TRAK2: variants seen among roughly 807,000 people sequenced by gnomAD.
TRAK2 encodes trafficking kinesin protein 2.
A neutral mutation model predicts 104.6 loss-of-function variants in TRAK2; 81 were observed. The observed-to-expected ratio is 0.77, with a 90% CI of 0.65 to 0.93. TRAK2 has a LOEUF of 0.93. TRAK2 is among the 40% of genes least tolerant of loss of function. The probability of loss-of-function intolerance (pLI) is 0.00; values close to 1 mark genes in which losing one functional copy is unlikely to be tolerated. For missense variants in TRAK2, 1,002 were observed against 1,089.0 expected, an observed-to-expected ratio of 0.92 and a Z score of 1.12; for synonymous variants, 406 against 394.4, an observed-to-expected ratio of 1.03 and a Z score of -0.35.
intron 12 of TRAK2, 182 bp from the exon 13 acceptor site, chr2:201,388,183 T>G: frequency 1.5e-6 from 1 of 662,986 alleles, no homozygotes; most frequent in Non-Finnish European, 2.7e-6. Flanking sequence ...TATATCATTT[T>G]TACAGATCAT....
In TRAK2 at chr2:201,386,275, T is replaced by G; in HGVS notation, c.1906A>C (p.Lys636Gln). 6.2e-7 allele frequency: 1 copy of G among 1,614,142 alleles called. No individual in the cohort carries two copies. ...GGCAGGAAGATCCCTGTTACTGGCTTGGATGTTGAAAGTTTCTCTTCCACT... is the reference window on the plus strand; with the variant it reads ...GGCAGGAAGATCCCTGTTACTGGCTGGGATGTTGAAAGTTTCTCTTCCACT... ...LEVEEKLSTS[K>Q]PVTGIFLPPI... Residue 636 changes from lysine to glutamine, a missense_variant, in exon 14 of 16, where the codon AAG (lysine) becomes CAG (glutamine). Transcript: ENST00000332624.
intron 2 of TRAK2, among the ~76,000 whole-genome samples, chr2:201,417,253 AAAAAAAG>A (rs1422723525): frequency 6.6e-6 from 1 of 150,422 alleles, no homozygotes; most frequent in Non-Finnish European, 1.5e-5. Context: ...AAAAAAAAAA[AAAAAAAG>A]AAAAGAAAAA....
intron 14 of TRAK2, among the ~76,000 whole-genome samples, chr2:201,385,322 G>A (rs1228339340): frequency 6.6e-6 from 1 of 151,632 alleles, no homozygotes; most frequent in Non-Finnish European, 1.5e-5. Flanking sequence ...TGTAGGATAC[G>A]ACCAATGCAT....
At chr2:201,385,070 A>G (rs1218082044) in intron 14 of TRAK2, among the ~76,000 whole-genome samples, 1 of 152,240 alleles carries the variant, frequency 6.6e-6, no homozygotes, top group African/African-American at 2.4e-5. Context: ...AACAGCTAAC[A>G]AAATGTGAGC....
chr2:201,442,334 T>A (rs1951932282), intron 1 of TRAK2, among the ~76,000 whole-genome samples: 3 of 150,446 alleles, frequency 2.0e-5, no homozygotes, highest in Admixed American at 1.3e-4. Flanking sequence ...GAGCCTGCAG[T>A]GAGCCGAGTT....
rs766586820 is a variant in TRAK2, at chr2:201,389,399, G to A, written c.1298C>T (p.Ser433Leu). ...AGGTTTTGCTGTCATGATGACACTT[G>A]AACGGTTGGAGCCTGGAATGGGTAA... The part of the protein sequence containing the change: ...ALLPIPGSNR[S>L]SVIMTAKPFE... The change falls in exon 12 of 16, where the codon TCA (serine) becomes TTA (leucine). Residue 433 changes from serine to leucine, a missense_variant. Transcript: ENST00000332624. 1 of 1,614,164 alleles carries A rather than the reference G, an allele frequency of 6.2e-7. No homozygotes were observed. Among genetic ancestry groups the A allele is most frequent in the South Asian group, 1.1e-5 (1 of 91,084 alleles).
chr2:201,389,513 A>C lies in TRAK2; in HGVS notation c.1194-10T>G, dbSNP rs1951424987. Reference sequence around the variant, plus strand: ...CCGCTTCTGTTGGGCTCTGTCAAAAAAGGAAGTGTTCGTTATTATCACTGC... The same window carrying C: ...CCGCTTCTGTTGGGCTCTGTCAAAACAGGAAGTGTTCGTTATTATCACTGC... On this transcript the variant is annotated splice_polypyrimidine_tract_variant and intron_variant, in intron 11 of 15. Coordinates refer to ENST00000332624, the MANE Select transcript of TRAK2 (RefSeq NM_015049.3). 1.9e-6 allele frequency: 3 copies of C among 1,613,252 alleles called. No individual in the cohort carries two copies. The highest frequency in any genetic ancestry group is 2.5e-6 in the Non-Finnish European group (3 of 1,179,798).
intron 1 of TRAK2, among the ~76,000 whole-genome samples, chr2:201,428,787 T>C (rs1438349656): frequency 1.3e-5 from 2 of 152,270 alleles, no homozygotes; most frequent in African/African-American, 4.8e-5. Flanking sequence ...ATGTTGATTT[T>C]TCCTATCCAT....
intron 9 of TRAK2, among the ~76,000 whole-genome samples, chr2:201,394,484 A>G (rs1191653946): frequency 6.6e-6 from 1 of 151,674 alleles, no homozygotes; most frequent in East Asian, 1.9e-4. Flanking sequence ...GGGATTACAG[A>G]TGCCCACCAC....
chr2:201,382,468 A>G (rs4675000), intron 15 of TRAK2, among the ~76,000 whole-genome samples: 4,929 of 151,616 alleles, frequency 0.033, 430 homozygotes, highest in East Asian at 0.25. Context: ...AACCAGTCCA[A>G]CTAAAAGCCT....
At chr2:201,450,413 T>TAA (rs1157207335) in intron 1 of TRAK2, among the ~76,000 whole-genome samples, 1 of 144,658 alleles carries the variant, frequency 6.9e-6, no homozygotes, top group Non-Finnish European at 1.5e-5. Context: ...GACTCTGTCT[T>TAA]AAAAAAAAAA....
At chr2:201,422,584 T>C (rs767538407) in intron 1 of TRAK2, among the ~76,000 whole-genome samples, 6 of 152,148 alleles carry the variant, frequency 3.9e-5, no homozygotes, top group Non-Finnish European at 5.9e-5. Context: ...GGCAGAAGAA[T>C]AGAGAAGCAC....
In TRAK2 at chr2:201,378,736, G is replaced by A. The variant is rs150610320; in HGVS notation, c.*1807C>T. On this transcript the variant is annotated 3_prime_UTR_variant, in exon 16 of 16. Coordinates refer to ENST00000332624, the MANE Select transcript of TRAK2 (RefSeq NM_015049.3). The stretch of plus-strand genomic sequence containing the variant: ...TCAGCACAACTGAGTGAAGGGGAAC[G>A]AAAGGGAGAGACCATCTTCACCCTT... The A allele has an allele frequency of 1.3e-5, 2 of 152,304 alleles. No individual in the cohort carries two copies. The highest frequency in any genetic ancestry group is 1.9e-4 in the East Asian group (1 of 5,186). The allele number at this position is 152,304 out of a possible 1,614,324, so 9.4% of individuals were successfully genotyped here.
intron 1 of TRAK2, among the ~76,000 whole-genome samples, chr2:201,446,045 G>T (rs1194657944): frequency 6.6e-6 from 1 of 152,100 alleles, no homozygotes; most frequent in Admixed American, 6.5e-5. Flanking sequence ...GATGAGTTGG[G>T]GATAGATGAA....
chr2:201,417,241 C>CAAAAAAAAAAAAAAAAAAAAA (rs61702415), intron 2 of TRAK2, among the ~76,000 whole-genome samples: 121 of 88,366 alleles, frequency 1.4e-3, no homozygotes, highest in Middle Eastern at 6.7e-3. Context: ...GAAGACATTG[C>CAAAAAAAAAAAAAAAAAAAAA]AAAAAAAAAA....
intron 1 of TRAK2, among the ~76,000 whole-genome samples, chr2:201,425,710 A>G (rs948387326): frequency 8.6e-6 from 1 of 115,654 alleles, no homozygotes; most frequent in Non-Finnish European, 2.0e-5. Context: ...TCCAGAAAGC[A>G]TTGCTTTTTT....
At position 201,379,486 on chromosome 2, in the gene TRAK2, T is replaced by C. The variant is rs894483408; in HGVS notation, c.*1057A>G. 1 of 152,646 alleles carries C rather than the reference T, an allele frequency of 6.6e-6. No homozygotes were observed. The highest frequency in any genetic ancestry group is 1.5e-5 in the Non-Finnish European group (1 of 68,042). 9.5% of individuals were successfully genotyped at this position (152,646 alleles called of 1,614,324 possible). On this transcript the variant is annotated 3_prime_UTR_variant, in exon 16 of 16. Transcript: ENST00000332624. ...TACTTCAGTTTACAATAATTTAATG[T>C]GCCTGAGAATTTTTGTGCAAATACA...
Position 201,398,250 on chromosome 2 carries a change from A to C in TRAK2, c.585T>G (p.Leu195=). 6.2e-7 allele frequency: 1 copy of C among 1,613,814 alleles called. No individual in the cohort carries two copies. Among genetic ancestry groups the C allele is most frequent in the Non-Finnish European group, 8.5e-7 (1 of 1,179,758 alleles). ...SETDSSCSTP[L]RFNESFSLSQ... is the part of the protein sequence containing the mutation. ...ATAAGCTAAAGGACTCATTGAACCG[A>C]AGAGGTGTAGAACAGCTGGAATCAG... The change falls in exon 6 of 16, where the codon CTT becomes CTG. Residue 195 remains leucine, a synonymous_variant. Transcript: ENST00000332624.
At chr2:201,414,006 T>G (rs1388999926) in intron 2 of TRAK2, among the ~76,000 whole-genome samples, 2 of 152,212 alleles carry the variant, frequency 1.3e-5, no homozygotes, top group African/African-American at 4.8e-5. Context: ...TTTCAGAGCC[T>G]TAATTTCTCT....
Sources: allele counts gnomAD v4.1 joint callset (sites outside exome capture counted in the v4.1 genomes callset), GRCh38; gene constraint gnomAD v4.1.1; transcripts MANE v1.5; gene names NCBI Gene and HGNC (gene_info 2026-07-23, HGNC 2026-07-21).